Variants in NT5C2 observed in about 807,000 individuals in gnomAD.
NT5C2 encodes the protein cytosolic purine 5'-nucleotidase.
Under a neutral mutation model 76.1 loss-of-function variants are expected in NT5C2, and 58 were observed. The observed-to-expected ratio is 0.76, with a 90% CI of 0.62 to 0.95. The LOEUF (loss-of-function observed/expected upper bound fraction) is 0.95, where lower values mean the gene tolerates loss of function less well. NT5C2 is among the 40% of genes least tolerant of loss of function. NT5C2 has a pLI of 0.00. For missense variants in NT5C2, 478 were observed against 690.3 expected (o/e 0.69, Z 3.45); for synonymous variants, 229 against 237.4 (o/e 0.96, Z 0.32).
intron 3 of NT5C2, among the ~76,000 whole-genome samples, chr10:103,166,698 G>A (rs2086490714): frequency 6.6e-6 from 1 of 152,046 alleles, no homozygotes; most frequent in Admixed American, 6.6e-5. Flanking sequence ...GTGTCACCAG[G>A]CTGGAGTGCA....
Position 103,106,652 on chromosome 10 carries a change from A to G in NT5C2, c.230T>C (p.Leu77Ser). ...CTCCTGGGGATAGCCAATAGAAACTAATCTCTCCACAGTAAGCTCAAAACC... is the reference window on the plus strand; with the variant it reads ...CTCCTGGGGATAGCCAATAGAAACTGATCTCTCCACAGTAAGCTCAAAACC... ...SLGFELTVER[L>S]VSIGYPQELL... The change falls in exon 5 of 19, where the codon TTA becomes TCA. Residue 77 changes from leucine (L) to serine (S), a missense_variant. Transcript: ENST00000404739. The G allele has an allele frequency of 6.2e-7, 1 of 1,613,886 alleles. No individual in the cohort carries two copies. Among genetic ancestry groups the G allele is most frequent in the Non-Finnish European group, 8.5e-7 (1 of 1,179,790 alleles).
chr10:103,110,736 G>T (rs993274605), intron 4 of NT5C2, among the ~76,000 whole-genome samples: 1 of 152,106 alleles, frequency 6.6e-6, no homozygotes, highest in Non-Finnish European at 1.5e-5. Flanking sequence ...AGTTTTCCCA[G>T]ATAATCACAA....
chr10:103,153,834 T>C (rs2082822285), intron 3 of NT5C2: 1 of 938,102 alleles, frequency 1.1e-6, no homozygotes, highest in Non-Finnish European at 1.3e-6. Flanking sequence ...ACAATGTGAA[T>C]TACAAGAGAA....
At position 103,130,029 on chromosome 10, in the gene NT5C2, C is replaced by T. The variant is rs1448303523; in HGVS notation, c.175+9377G>A. Among the ~76,000 whole-genome samples, 4 of 151,516 alleles carry T rather than the reference C, an allele frequency of 2.6e-5. No individual in the cohort carries two copies. In the South Asian group the frequency reaches 8.4e-4, roughly 32 times the overall value. On this transcript the variant is annotated intron_variant, in intron 4 of 18. Coordinates refer to ENST00000404739, the MANE Select transcript of NT5C2 (RefSeq NM_001351169.2). ...CTGGGAAGTGAGGAGCCCCTCTGCC[C>T]GGCCACCACCCTGTCTGGGAGGTGT...
At chr10:103,185,773 C>T (rs1327404778) in intron 1 of NT5C2, among the ~76,000 whole-genome samples, 3 of 151,464 alleles carry the variant, frequency 2.0e-5, no homozygotes, top group Non-Finnish European at 4.4e-5. Context: ...TCTTATTTTT[C>T]CTGTTACAAA....
chr10:103,143,102 A>G (rs2080823029), intron 3 of NT5C2, among the ~76,000 whole-genome samples: 2 of 152,206 alleles, frequency 1.3e-5, no homozygotes, highest in Admixed American at 1.3e-4. Flanking sequence ...CTTGGTAGCC[A>G]AAGTTAAAAC....
intron 1 of NT5C2, among the ~76,000 whole-genome samples, chr10:103,190,252 G>A (rs986089629): frequency 2.0e-5 from 3 of 152,040 alleles, no homozygotes; most frequent in Non-Finnish European, 4.4e-5. Flanking sequence ...CATTCACTCC[G>A]CTCTAATTGC....
chr10:103,096,485 T>C (rs1353036189), intron 11 of NT5C2, among the ~76,000 whole-genome samples: 1 of 152,096 alleles, frequency 6.6e-6, no homozygotes, highest in East Asian at 1.9e-4. Flanking sequence ...AAAAGTAAGA[T>C]GAAGTTAAGG....
intron 4 of NT5C2, among the ~76,000 whole-genome samples, chr10:103,129,507 C>T (rs2077532042): frequency 7.9e-6 from 1 of 126,400 alleles, no homozygotes; most frequent in East Asian, 2.6e-4. Flanking sequence ...GGCCAGCCGC[C>T]CCGTCCGGGA....
intron 3 of NT5C2, among the ~76,000 whole-genome samples, chr10:103,158,490 C>A (rs2083958509): frequency 6.6e-6 from 1 of 151,672 alleles, no homozygotes; most frequent in Admixed American, 6.6e-5. Flanking sequence ...TAGACTGACC[C>A]AAAAAAAGAA....
chr10:103,146,006 A>G (rs1179654677), intron 3 of NT5C2: 8 of 964,806 alleles, frequency 8.3e-6, no homozygotes, highest in Non-Finnish European at 7.4e-6. Flanking sequence ...AATGGCTTTA[A>G]CTTGTAATTC....
At chr10:103,091,028 T>C (rs750644893) in intron 16 of NT5C2, 32 bp from the exon 17 acceptor site, 2 of 1,592,700 alleles carry the variant, frequency 1.3e-6, no homozygotes, top group South Asian at 1.1e-5. Context: ...AGTGAAAATC[T>C]CTGGGAAGAG....
At chr10:103,123,776 G>T (rs2076153589) in intron 4 of NT5C2, among the ~76,000 whole-genome samples, 1 of 151,978 alleles carries the variant, frequency 6.6e-6, no homozygotes. Context: ...AAAAAAACTG[G>T]AATGTACCTC....
At chr10:103,146,202 G>C (rs2081448490) in intron 3 of NT5C2, 1 of 985,248 alleles carries the variant, frequency 1.0e-6, no homozygotes, top group Non-Finnish European at 1.2e-6. Context: ...TTCCGAGACA[G>C]TGCTGGAGAA....
At chr10:103,163,915 C>T (rs1220608077) in intron 3 of NT5C2, among the ~76,000 whole-genome samples, 2 of 149,040 alleles carry the variant, frequency 1.3e-5, no homozygotes, top group African/African-American at 2.5e-5. Flanking sequence ...ATCCCAGCTA[C>T]TCAGGAGCCT....
intron 3 of NT5C2, among the ~76,000 whole-genome samples, chr10:103,143,915 AC>A (rs2081030043): frequency 6.6e-6 from 1 of 152,116 alleles, no homozygotes; most frequent in African/African-American, 2.4e-5. Flanking sequence ...AGATCGTGCC[AC>A]TGCATTCTAG....
chr10:103,141,119 TTTTAG>T (rs2080342865), intron 3 of NT5C2, among the ~76,000 whole-genome samples: 1 of 152,224 alleles, frequency 6.6e-6, no homozygotes, highest in African/African-American at 2.4e-5. Context: ...CTTTGTTTTC[TTTTAG>T]ATCTTCTCAT....
intron 3 of NT5C2, among the ~76,000 whole-genome samples, chr10:103,163,920 G>A (rs935400472): frequency 6.6e-6 from 1 of 150,452 alleles, no homozygotes; most frequent in Admixed American, 6.6e-5. Flanking sequence ...AGCTACTCAG[G>A]AGCCTGAGGC....
At position 103,145,195 on chromosome 10, in the gene NT5C2, T is replaced by C. The variant is rs572483825; in HGVS notation, c.102-5716A>G. Among the ~76,000 whole-genome samples, 8 of 152,250 alleles carry C rather than the reference T, an allele frequency of 5.3e-5. No individual in the cohort carries two copies. The East Asian group carries it at 5.8e-4, about 11-fold the overall frequency. ...CTATATATTCCACAGTTTACAAAGA[T>C]AATAAACACCCAAATGCTTAAAGTA... On this transcript the variant is annotated intron_variant, in intron 3 of 18. Transcript: ENST00000404739.
Sources: gnomAD v4.1 joint callset for allele counts (sites outside exome capture counted in the v4.1 genomes callset) on GRCh38, gnomAD v4.1.1 for gene constraint, MANE v1.5 for transcripts, NCBI Gene and HGNC (gene_info 2026-07-23, HGNC 2026-07-21) for gene names.